Variants in AK4 observed in about 807,000 individuals in gnomAD.
AK4 encodes adenylate kinase 4, mitochondrial.
Under a neutral mutation model 24.6 loss-of-function variants are expected in AK4, and 13 were observed. That is an observed-to-expected ratio of 0.53 (90% CI 0.34 to 0.84). The LOEUF (loss-of-function observed/expected upper bound fraction) is 0.84, where lower values mean the gene tolerates loss of function less well. Among genes scored for constraint, AK4 ranks in the 40% least tolerant of loss-of-function variants. The probability of loss-of-function intolerance (pLI) is 0.01; values close to 1 mark genes in which losing one functional copy is unlikely to be tolerated. For synonymous variants in AK4, 88 were observed against 107.0 expected (o/e 0.82, Z 1.10); for missense variants, 192 against 288.2 (o/e 0.67, Z 2.42).
chr1:65,216,160 T>C (rs1235868182), intron 2 of AK4, among the ~76,000 whole-genome samples: 1 of 152,042 alleles, frequency 6.6e-6, no homozygotes. Context: ...TTTTAGACAG[T>C]CTTACTCTGT....
intron 1 of AK4, among the ~76,000 whole-genome samples, chr1:65,170,037 A>G (rs1340424276): frequency 6.6e-6 from 1 of 151,858 alleles, no homozygotes; most frequent in Non-Finnish European, 1.5e-5. Flanking sequence ...CCTCCAGGAT[A>G]TTTTCTGTTA....
intron 1 of AK4, among the ~76,000 whole-genome samples, chr1:65,155,679 A>G (rs565948732): frequency 4.0e-5 from 6 of 149,156 alleles, no homozygotes; most frequent in Admixed American, 3.4e-4. Flanking sequence ...TTTGCTTTAG[A>G]TGGAGTCTAG....
At chr1:65,153,742 G>T (rs576253672) in intron 1 of AK4, among the ~76,000 whole-genome samples, 4 of 152,242 alleles carry the variant, frequency 2.6e-5, no homozygotes, top group African/African-American at 9.6e-5. Flanking sequence ...GTGTGATTAG[G>T]GAAGGCCTCT....
chr1:65,148,164 A>G (rs1242782145), upstream of AK4: 1 of 749,858 alleles, frequency 1.3e-6, no homozygotes, highest in Non-Finnish European at 2.0e-6. Context: ...GAGGAGGGCG[A>G]GGAGGTGGAG....
intron 2 of AK4, among the ~76,000 whole-genome samples, chr1:65,205,082 CCCT>C (rs1651775363): frequency 6.6e-6 from 1 of 152,126 alleles, no homozygotes; most frequent in East Asian, 1.9e-4. Context: ...TTTCGTCCCT[CCCT>C]CCTCTCCCCT....
intron 4 of AK4, among the ~76,000 whole-genome samples, chr1:65,225,378 C>T (rs1652421769): frequency 6.6e-6 from 1 of 152,160 alleles, no homozygotes; most frequent in African/African-American, 2.4e-5. Flanking sequence ...GGGGATGTGT[C>T]AAGCTAGACA....
At chr1:65,203,207 G>T (rs951329373) in intron 2 of AK4, among the ~76,000 whole-genome samples, 3 of 151,978 alleles carry the variant, frequency 2.0e-5, no homozygotes, top group Non-Finnish European at 2.9e-5. Context: ...TTCTTTCTTG[G>T]ATTCTTTTTC....
At chr1:65,154,935 CT>C (rs1330041050) in intron 1 of AK4, among the ~76,000 whole-genome samples, 1 of 151,716 alleles carries the variant, frequency 6.6e-6, no homozygotes, top group Non-Finnish European at 1.5e-5. Flanking sequence ...ACTGCAACCT[CT>C]GCCTCCCAGG....
At chr1:65,206,191 G>A (rs935091528) in intron 2 of AK4, among the ~76,000 whole-genome samples, 1 of 152,186 alleles carries the variant, frequency 6.6e-6, no homozygotes, top group Admixed American at 6.5e-5. Flanking sequence ...AGAAAGCACA[G>A]GTTATATCCA....
At chr1:65,151,205 G>A (rs1649760890) in intron 1 of AK4, among the ~76,000 whole-genome samples, 2 of 152,052 alleles carry the variant, frequency 1.3e-5, no homozygotes, top group South Asian at 4.1e-4. Flanking sequence ...GACCTTAGAT[G>A]ATCCACCCGT....
At position 65,157,610 on chromosome 1, in the gene AK4, C is replaced by T. The variant is rs1650024097; in HGVS notation, c.145+9058C>T. Among the ~76,000 whole-genome samples, 3 of 152,112 alleles carry T rather than the reference C, an allele frequency of 2.0e-5. No homozygotes were observed. The South Asian group carries it at 6.2e-4, about 32-fold the overall frequency. On this transcript the variant is annotated intron_variant, in intron 1 of 4. Coordinates refer to ENST00000327299, the MANE Select transcript of AK4 (RefSeq NM_013410.4). ...ACCAGCTTGGATAACGTAGCGAGACCTCATCTTTACTAAAAATAATGTAAG... is the reference window on the plus strand; with the variant it reads ...ACCAGCTTGGATAACGTAGCGAGACTTCATCTTTACTAAAAATAATGTAAG...
chr1:65,186,928 G>A (rs1372951015), intron 1 of AK4, among the ~76,000 whole-genome samples: 1 of 152,116 alleles, frequency 6.6e-6, no homozygotes, highest in Admixed American at 6.6e-5. Context: ...TTATATGTAT[G>A]AATAAAATGT....
At chr1:65,161,324 A>G (rs1364784255) in intron 1 of AK4, among the ~76,000 whole-genome samples, 1 of 152,112 alleles carries the variant, frequency 6.6e-6, no homozygotes, top group African/African-American at 2.4e-5. Context: ...GCGTGCAAAA[A>G]AGTAAAACTT....
chr1:65,154,753 A>G (rs1649920937), intron 1 of AK4: 3 of 265,562 alleles, frequency 1.1e-5, no homozygotes, highest in South Asian at 8.0e-5. Flanking sequence ...GCTCTTACAA[A>G]TGTCATTGTG....
chr1:65,172,855 A>ATTTTTTTTT (rs11408059), intron 1 of AK4, among the ~76,000 whole-genome samples: 5 of 110,912 alleles, frequency 4.5e-5, no homozygotes, highest in South Asian at 2.9e-4. Flanking sequence ...CCAGCAAGAG[A>ATTTTTTTTT]TTTTTTTTTT....
At chr1:65,175,203 A>C (rs1014172864) in intron 1 of AK4, among the ~76,000 whole-genome samples, 9 of 152,252 alleles carry the variant, frequency 5.9e-5, no homozygotes, top group Admixed American at 2.0e-4. Context: ...CGCTCAGTGG[A>C]CTGCTTGTCC....
chr1:65,205,354 C>T (rs1651781274), intron 2 of AK4, among the ~76,000 whole-genome samples: 1 of 152,168 alleles, frequency 6.6e-6, no homozygotes, highest in South Asian at 2.1e-4. Context: ...CCCGCCTCAG[C>T]CTCCCAAGTA....
intron 3 of AK4, among the ~76,000 whole-genome samples, chr1:65,219,752 T>C (rs956866491): frequency 2.6e-5 from 4 of 152,226 alleles, no homozygotes; most frequent in African/African-American, 9.6e-5. Flanking sequence ...TTAACTAAAA[T>C]TCATAGTTTG....
At chr1:65,226,028 T>G in intron 4 of AK4, 35 bp from the exon 5 acceptor site, 1 of 1,607,218 alleles carries the variant, frequency 6.2e-7, no homozygotes, top group Non-Finnish European at 8.5e-7. Context: ...AAAAGAAACC[T>G]AAAAAGCCAT....
Sources: gnomAD v4.1 joint callset for allele counts (sites outside exome capture counted in the v4.1 genomes callset) on GRCh38, gnomAD v4.1.1 for gene constraint, MANE v1.5 for transcripts, NCBI Gene and HGNC (gene_info 2026-07-23, HGNC 2026-07-21) for gene names.